The following PCDH15 variants were observed in gnomAD, a reference collection of about 807,000 sequenced individuals.
The protein encoded by PCDH15 is protocadherin related 15.
In PCDH15, 129 loss-of-function variants were observed where a neutral mutation model predicts 178.5. The observed-to-expected ratio is 0.72, with a 90% CI of 0.63 to 0.84. The LOEUF (loss-of-function observed/expected upper bound fraction) is 0.84. Ranked by LOEUF, PCDH15 falls within the 40% of genes least tolerant of loss-of-function variation. The pLI, the probability that PCDH15 is intolerant of heterozygous loss-of-function variation, is 0.00. For missense variants in PCDH15, 2,230 were observed against 2,099.9 expected (o/e 1.06, Z -1.21); for synonymous variants, 800 against 732.0 (o/e 1.09, Z -1.50).
chr10:54,590,112 T>G (rs1426046407), intron 2 of PCDH15, among the ~76,000 whole-genome samples: 2 of 150,868 alleles, frequency 1.3e-5, no homozygotes, highest in Non-Finnish European at 3.0e-5. Context: ...GATTAAAGTG[T>G]TATTAAGGAT....
intron 1 of PCDH15, among the ~76,000 whole-genome samples, chr10:55,220,854 G>GTTTTTT (rs796218622): frequency 6.6e-6 from 1 of 151,714 alleles, no homozygotes; most frequent in Non-Finnish European, 1.5e-5. Flanking sequence ...TCCATTCAGT[G>GTTTTTT]TTTTTTTGTT....
Position 55,081,171 on chromosome 10 carries a change from G to A in PCDH15, c.-80+85405C>T, listed in dbSNP as rs905620429. Among the ~76,000 whole-genome samples the A allele has an allele frequency of 7.9e-5, 12 of 152,078 alleles. No individual in the cohort carries two copies. In the South Asian group the frequency reaches 2.5e-3, roughly 32 times the overall value. ...CTCCCAGCTGATCTCAGCCAAGCTGGCCACTTTCTTCCATCTCCTTCTCTG... is the reference window on the plus strand; with the variant it reads ...CTCCCAGCTGATCTCAGCCAAGCTGACCACTTTCTTCCATCTCCTTCTCTG... On this transcript the variant is annotated intron_variant, in intron 2 of 5. Coordinates refer to the PCDH15 transcript ENST00000458638.
At chr10:54,147,213 A>G (rs2044069501) in intron 14 of PCDH15, among the ~76,000 whole-genome samples, 1 of 151,478 alleles carries the variant, frequency 6.6e-6, no homozygotes, top group Admixed American at 6.6e-5. Context: ...CAGCAGGTAG[A>G]ATGGAAGTAT....
chr10:54,954,690 ATACT>A (rs925771800), intron 2 of PCDH15, among the ~76,000 whole-genome samples: 31 of 151,368 alleles, frequency 2.0e-4, no homozygotes, highest in African/African-American at 7.2e-4. Context: ...TAATACAAAA[ATACT>A]TACACCAATT....
At chr10:53,904,210 T>C (rs1157359147) in intron 25 of PCDH15, among the ~76,000 whole-genome samples, 4 of 152,154 alleles carry the variant, frequency 2.6e-5, no homozygotes, top group South Asian at 2.1e-4. Context: ...TGTAAAAAAA[T>C]AGTCAAATAA....
At chr10:55,039,814 A>G (rs547789701) in intron 2 of PCDH15, among the ~76,000 whole-genome samples, 9 of 152,284 alleles carry the variant, frequency 5.9e-5, no homozygotes, top group Non-Finnish European at 8.8e-5. Flanking sequence ...AATTACGCCA[A>G]TTCCTTAGTT....
chr10:55,329,780 T>A (rs1204044778), intron 2 of PCDH15, among the ~76,000 whole-genome samples: 1 of 151,756 alleles, frequency 6.6e-6, no homozygotes, highest in Non-Finnish European at 1.5e-5. Context: ...AGGAAACAGA[T>A]TACTTATACA....
intron 25 of PCDH15, among the ~76,000 whole-genome samples, chr10:53,904,492 T>C (rs1229501661): frequency 6.7e-6 from 1 of 148,712 alleles, no homozygotes. Context: ...TGCTTGCCCT[T>C]GGAAAGGTCA....
Position 53,840,513 on chromosome 10 carries a change from G to C in PCDH15, c.3807-17C>G, listed in dbSNP as rs752723689. ...TCCAAGATCCTATAAATCAAACAAAGTACAAACATGACAGTCCAATGGGCT... is the reference window on the plus strand; with the variant it reads ...TCCAAGATCCTATAAATCAAACAAACTACAAACATGACAGTCCAATGGGCT... On this transcript the variant is annotated splice_polypyrimidine_tract_variant and intron_variant, in intron 28 of 37. Coordinates refer to ENST00000644397, the MANE Select transcript of PCDH15 (RefSeq NM_001384140.1). 1 of 1,609,378 alleles carries C rather than the reference G, an allele frequency of 6.2e-7. No homozygotes were observed. The highest frequency in any genetic ancestry group is 8.5e-7 in the Non-Finnish European group (1 of 1,175,770).
At chr10:54,345,188 T>C (rs983314585) in intron 6 of PCDH15, among the ~76,000 whole-genome samples, 2 of 151,916 alleles carry the variant, frequency 1.3e-5, no homozygotes, top group African/African-American at 4.8e-5. Flanking sequence ...TTTGTGAGGA[T>C]AAAATGAGAA....
intron 3 of PCDH15, among the ~76,000 whole-genome samples, chr10:54,445,918 T>A (rs1005110556): frequency 6.6e-6 from 1 of 151,614 alleles, no homozygotes; most frequent in Non-Finnish European, 1.5e-5. Flanking sequence ...CAGGTTGCAT[T>A]TCAGTTTCTT....
intron 20 of PCDH15, among the ~76,000 whole-genome samples, chr10:54,019,409 T>C (rs1263456977): frequency 1.3e-5 from 2 of 152,100 alleles, no homozygotes; most frequent in African/African-American, 4.8e-5. Flanking sequence ...TCTGTGTACT[T>C]TTCTCAAATG....
chr10:54,144,950 T>A (rs181772332), intron 14 of PCDH15, among the ~76,000 whole-genome samples: 206 of 152,226 alleles, frequency 1.4e-3, no homozygotes, highest in African/African-American at 4.9e-3. Flanking sequence ...ACTGGAGAAT[T>A]TTTACTTATC....
chr10:54,421,607 G>A (rs1173517852), intron 3 of PCDH15, among the ~76,000 whole-genome samples: 1 of 142,956 alleles, frequency 7.0e-6, no homozygotes, highest in Non-Finnish European at 1.5e-5. Flanking sequence ...TTTTTGACCT[G>A]TGAAACTTCA....
rs573926652 is a variant in PCDH15 at position 54,561,482 on chromosome 10, T to G, written c.92-33605A>C. ...TTCTGGCTTAAGGAAAGAAAGCAAC[T>G]TGTCAGATTTAATCAAATTCATGGG... On this transcript the variant is annotated intron_variant, in intron 2 of 37. Coordinates refer to ENST00000644397, the MANE Select transcript of PCDH15 (RefSeq NM_001384140.1). Among the ~76,000 whole-genome samples the G allele has an allele frequency of 6.6e-5, 10 of 152,262 alleles. No homozygotes were observed. The East Asian group carries it at 1.7e-3, about 27-fold the overall frequency.
chr10:53,996,915 A>T lies in PCDH15; in HGVS notation c.2752-1150T>A, dbSNP rs189539027. Among the ~76,000 whole-genome samples, 444 of 152,244 alleles carry T rather than the reference A, an allele frequency of 2.9e-3. 2 individuals are homozygous for T. Among genetic ancestry groups the T allele is most frequent in the Non-Finnish European group, 4.4e-3 (300 of 67,982 alleles). On this transcript the variant is annotated intron_variant, in intron 20 of 37. Coordinates refer to ENST00000644397, the MANE Select transcript of PCDH15 (RefSeq NM_001384140.1). ...AAAAACAAAATTTAAAAAATTCTACATATTCTTTGATATTTGCTTAGACAC... is the reference window on the plus strand; with the variant it reads ...AAAAACAAAATTTAAAAAATTCTACTTATTCTTTGATATTTGCTTAGACAC...
chr10:53,895,194 T>C (rs2081870485), intron 26 of PCDH15, among the ~76,000 whole-genome samples: 1 of 152,198 alleles, frequency 6.6e-6, no homozygotes, highest in Admixed American at 6.5e-5. Context: ...AGAAACATTA[T>C]GTATTACCCT....
At chr10:54,340,420 T>C (rs1942012291) in intron 6 of PCDH15, among the ~76,000 whole-genome samples, 1 of 152,162 alleles carries the variant, frequency 6.6e-6, no homozygotes, top group African/African-American at 2.4e-5. Flanking sequence ...AGTACACCTC[T>C]AGTATGAATC....
intron 3 of PCDH15, among the ~76,000 whole-genome samples, chr10:54,450,943 G>A (rs77358004): frequency 0.01 from 1,520 of 151,918 alleles, 22 homozygotes; most frequent in African/African-American, 0.035. Flanking sequence ...TAATGTGAAT[G>A]TTTTCTTTAG....
Sources: allele counts gnomAD v4.1 joint callset (sites outside exome capture counted in the v4.1 genomes callset), GRCh38; gene constraint gnomAD v4.1.1; transcripts MANE v1.5; gene names NCBI Gene and HGNC (gene_info 2026-07-23, HGNC 2026-07-21).